Variants in ACOT12 observed in about 807,000 individuals in gnomAD.
ACOT12 encodes the protein acetyl-coenzyme A thioesterase.
Under a neutral mutation model 67.7 loss-of-function variants are expected in ACOT12, and 51 were observed. That is an observed-to-expected ratio of 0.75 (90% confidence interval 0.60 to 0.95). The LOEUF is 0.95. Ranked by LOEUF, ACOT12 falls within the 40% of genes least tolerant of loss-of-function variation. ACOT12 has a pLI of 0.00. For synonymous variants in ACOT12, 251 were observed against 244.6 expected (o/e 1.03, Z -0.24); for missense variants, 734 against 708.1 (o/e 1.04, Z -0.41).
chr5:81,359,916 A>G lies in ACOT12; in HGVS notation c.483T>C (p.Ser161=), dbSNP rs1759848915. The change falls in exon 5 of 15, where the codon AGT becomes AGC. Residue 161 remains serine (S), a synonymous_variant. Coordinates refer to ENST00000307624, the MANE Select transcript of ACOT12 (RefSeq NM_130767.3). ...GGATTTACTGACCATCAAATTTGCT[A>G]CTTTCCTTCATTAAATTGTTAAAGG... ...EDTFNNLMKE[S]SKFDDLIFDE... 1 of 1,605,706 alleles carries G rather than the reference A, an allele frequency of 6.2e-7. No homozygotes were observed. Among genetic ancestry groups the G allele is most frequent in the Non-Finnish European group, 8.5e-7 (1 of 1,178,146 alleles).
chr5:81,366,389 G>A (rs1358288669), intron 3 of ACOT12, among the ~76,000 whole-genome samples: 1 of 152,078 alleles, frequency 6.6e-6, no homozygotes, highest in East Asian at 1.9e-4. Flanking sequence ...CAGAAATGAT[G>A]GAATAACAAC....
At position 81,344,185 on chromosome 5, in the gene ACOT12, C is replaced by A. The variant is rs1759298870; in HGVS notation, c.955G>T (p.Ala319Ser). ...DDFRRYRGAI[A>S]RKRIRLGRKY... ...CTGCCTAGGCGAATTCGCTTGCGTG[C>A]AATAGCTCCCCGATAGCGTCTGAAA... Residue 319 changes from alanine to serine, a missense_variant, in exon 9 of 15, where the codon GCA (alanine) becomes TCA (serine). Transcript: ENST00000307624. 4 of 1,613,668 alleles carry A rather than the reference C, an allele frequency of 2.5e-6. No individual in the cohort carries two copies. In the African/African-American group the frequency reaches 4.0e-5, roughly 16 times the overall value.
the ACOT12 span, chr5:81,311,065 A>C: frequency 1.3e-6 from 1 of 770,004 alleles, no homozygotes; most frequent in Non-Finnish European, 2.2e-6. Context: ...ATTAATAGGA[A>C]TAGTGGCACC....
rs753894153 is a variant in ACOT12 at position 81,345,899 on chromosome 5, A to G, written c.759T>C (p.Asn253=). ...DRLVFTAIVN[N]TFQTCVEVGV... ...GCTCACTTTACCAGGTCTGAAATGT[A>G]TTGTTGACAATGGCAGTGAAGACAA... is the stretch of plus-strand genomic sequence containing the variant. Residue 253 remains asparagine (N), a synonymous_variant, in exon 7 of 15, where the codon AAT becomes AAC. Coordinates refer to ENST00000307624, the MANE Select transcript of ACOT12 (RefSeq NM_130767.3). The G allele has an allele frequency of 1.2e-6, 2 of 1,613,920 alleles. No homozygotes were observed. The highest frequency in any genetic ancestry group is 1.7e-6 in the Non-Finnish European group (2 of 1,179,850).
Position 81,330,929 on chromosome 5 carries a change from G to A in ACOT12, c.1403C>T (p.Thr468Ile), listed in dbSNP as rs775247391. Reference protein sequence around the residue: ...RKPLKDGNTYTVAVKSVILPS... With the variant: ...RKPLKDGNTYIVAVKSVILPS... ...CAAAATGACCGACTTCACTGCCACT[G>A]TGTAAGTGTTACTGAAAGAAAACAC... is the stretch of plus-strand genomic sequence containing the variant. The change falls in exon 14 of 15, where the codon ACA becomes ATA. Residue 468 changes from threonine to isoleucine, a missense_variant. Physicochemically the swap from Thr to Ile is moderately conservative, Grantham distance 89. Transcript: ENST00000307624. The A allele has an allele frequency of 3.1e-6, 5 of 1,598,800 alleles. No homozygotes were observed. The South Asian group carries it at 3.4e-5, about 11-fold the overall frequency.
downstream of ACOT12, among the ~76,000 whole-genome samples, chr5:81,327,582 AG>A (rs1758704911): frequency 6.6e-6 from 1 of 152,236 alleles, no homozygotes; most frequent in South Asian, 2.1e-4. Flanking sequence ...CTGGGATTAC[AG>A]GTGCGCAGCA....
intron 5 of ACOT12, among the ~76,000 whole-genome samples, chr5:81,355,631 G>A (rs1445022961): frequency 2.0e-5 from 3 of 152,188 alleles, no homozygotes; most frequent in Non-Finnish European, 4.4e-5. Context: ...GCTTTGTGCT[G>A]GGGCAACCAC....
intron 11 of ACOT12, among the ~76,000 whole-genome samples, chr5:81,338,294 G>T (rs532322232): frequency 3.3e-5 from 5 of 152,118 alleles, no homozygotes; most frequent in African/African-American, 1.2e-4. Flanking sequence ...ATCTCATGTC[G>T]AATTGTAATC....
At chr5:81,309,759 C>T in the ACOT12 span, among the ~76,000 whole-genome samples, 22 of 152,154 alleles carry the variant, frequency 1.4e-4, no homozygotes, top group Admixed American at 2.6e-4. Context: ...CTCTGATCTC[C>T]GTTTCCTCAC....
chr5:81,351,711 A>G (rs748761324), intron 5 of ACOT12, among the ~76,000 whole-genome samples: 1 of 152,242 alleles, frequency 6.6e-6, no homozygotes, highest in Admixed American at 6.5e-5. Context: ...TTTATTGAGC[A>G]GTACCCCACA....
At chr5:81,356,941 C>T (rs943950861) in intron 5 of ACOT12, among the ~76,000 whole-genome samples, 1 of 152,066 alleles carries the variant, frequency 6.6e-6, no homozygotes, top group Non-Finnish European at 1.5e-5. Flanking sequence ...CAATGGCTCC[C>T]ATCAAGAACA....
At position 81,342,732 on chromosome 5, in the gene ACOT12, C is replaced by T. The variant is rs143313482; in HGVS notation, c.1068G>A (p.Val356=). 28 of 1,614,010 alleles carry T rather than the reference C, an allele frequency of 1.7e-5. No individual in the cohort carries two copies. The African/African-American group carries it at 3.6e-4, about 21-fold the overall frequency. Residue 356 remains valine, a synonymous_variant, in exon 11 of 15, where the codon GTG becomes GTA. Coordinates refer to ENST00000307624, the MANE Select transcript of ACOT12 (RefSeq NM_130767.3). ...TGGCTGCCAGTTTTTTGAGGGCCTC[C>T]ACATTGCTGTCACTCAGGGATGCCT... The part of the protein sequence containing the change: ...SKQASLSDSN[V]EALKKLAAKR...
intron 6 of ACOT12, 72 bp from the exon 7 acceptor site, chr5:81,346,076 G>C: frequency 6.3e-7 from 1 of 1,580,142 alleles, no homozygotes. Flanking sequence ...GCACAGACAA[G>C]TCTTCAAATA....
At chr5:81,354,447 G>T (rs993842131) in intron 5 of ACOT12, among the ~76,000 whole-genome samples, 1 of 152,184 alleles carries the variant, frequency 6.6e-6, no homozygotes, top group African/African-American at 2.4e-5. Context: ...AACACCAGAA[G>T]AAGCCGGTGC....
At chr5:81,361,091 A>G (rs1759892227) in intron 4 of ACOT12, among the ~76,000 whole-genome samples, 1 of 150,256 alleles carries the variant, frequency 6.7e-6, no homozygotes, top group South Asian at 2.1e-4. Flanking sequence ...AAAAAAAAAA[A>G]AAAAAAAAGA....
At chr5:81,344,495 C>T (rs1250815622) in intron 8 of ACOT12, among the ~76,000 whole-genome samples, 2 of 152,178 alleles carry the variant, frequency 1.3e-5, no homozygotes, top group Non-Finnish European at 2.9e-5. Context: ...ATTCTCACTA[C>T]AGAGTTTTTA....
At chr5:81,374,284 A>C (rs1760343703) in intron 2 of ACOT12, among the ~76,000 whole-genome samples, 1 of 152,220 alleles carries the variant, frequency 6.6e-6, no homozygotes, top group African/African-American at 2.4e-5. Flanking sequence ...ACAGAAAGGA[A>C]TAGCATCAAC....
chr5:81,312,676 TATC>T, the ACOT12 span: 1 of 1,558,080 alleles, frequency 6.4e-7, no homozygotes, highest in East Asian at 2.2e-5. Flanking sequence ...CAGCTAGCAC[TATC>T]ATGAGTTACT....
At chr5:81,379,315 C>G (rs1236359886) in intron 2 of ACOT12, among the ~76,000 whole-genome samples, 2 of 130,090 alleles carry the variant, frequency 1.5e-5, no homozygotes, top group East Asian at 4.4e-4. Context: ...GAACATCACA[C>G]ACGGGGGTCT....
Sources: allele counts gnomAD v4.1 joint callset (sites outside exome capture counted in the v4.1 genomes callset), GRCh38; gene constraint gnomAD v4.1.1; transcripts MANE v1.5; gene names NCBI Gene and HGNC (gene_info 2026-07-23, HGNC 2026-07-21).